Variants in UACA observed in about 807,000 individuals in gnomAD.
UACA encodes nuclear membrane binding protein.
UACA carries 112 observed loss-of-function variants against 160.5 expected under a neutral mutation model. The ratio of observed to expected loss-of-function variants is 0.70; its 90% CI spans 0.60 to 0.82. The LOEUF (loss-of-function observed/expected upper bound fraction) is 0.82. Ranked by LOEUF, UACA falls within the 40% of genes least tolerant of loss-of-function variation. UACA has a pLI of 0.00. For missense variants in UACA, 1,574 were observed against 1,614.6 expected, an observed-to-expected ratio of 0.97 and a Z score of 0.43; for synonymous variants, 557 against 568.4, an observed-to-expected ratio of 0.98 and a Z score of 0.29.
At chr15:70,660,395 T>C (rs532442861) in intron 17 of UACA, 179 bp from the exon 18 acceptor site, 1 of 532,294 alleles carries the variant, frequency 1.9e-6, no homozygotes, top group Non-Finnish European at 3.3e-6. Flanking sequence ...CAATATAAAC[T>C]TCTGTAAAGA....
At chr15:70,738,104 T>G (rs1899423767) in intron 1 of UACA, among the ~76,000 whole-genome samples, 1 of 152,212 alleles carries the variant, frequency 6.6e-6, no homozygotes. Flanking sequence ...ATTTTATTAT[T>G]TCTTAAGTAA....
At chr15:70,751,281 T>C (rs141655296) in intron 1 of UACA, among the ~76,000 whole-genome samples, 24 of 152,246 alleles carry the variant, frequency 1.6e-4, no homozygotes, top group African/African-American at 5.5e-4. Flanking sequence ...TTTTTCATAA[T>C]TGAAAAATAG....
chr15:70,745,291 C>T (rs1313724817), intron 1 of UACA, among the ~76,000 whole-genome samples: 5 of 151,800 alleles, frequency 3.3e-5, no homozygotes, highest in African/African-American at 9.7e-5. Flanking sequence ...AAAAATTAGC[C>T]GGGCGTGGTG....
At chr15:70,772,946 G>A in the UACA span, among the ~76,000 whole-genome samples, 1 of 151,904 alleles carries the variant, frequency 6.6e-6, no homozygotes, top group African/African-American at 2.4e-5. Flanking sequence ...AAAATTAGCT[G>A]AGTGTGGTTG....
At chr15:70,727,044 T>G (rs1374376895) in intron 1 of UACA, among the ~76,000 whole-genome samples, 2 of 152,210 alleles carry the variant, frequency 1.3e-5, no homozygotes, top group African/African-American at 4.8e-5. Context: ...TGCCTTCATC[T>G]TAAACTCTAA....
In UACA at chr15:70,656,998, C is replaced by A. The variant is rs1896492145; in HGVS notation, c.*58G>T. On this transcript the variant is annotated 3_prime_UTR_variant, in exon 19 of 19. Coordinates refer to ENST00000322954, the MANE Select transcript of UACA (RefSeq NM_018003.4). ...AAGGCCCAGAAAGACCATGGAGTTG[C>A]ACAAAGAATGTTCAGCACCAGCAAG... 1.2e-5 allele frequency: 17 copies of A among 1,421,416 alleles called. No homozygotes were observed. Among genetic ancestry groups the A allele is most frequent in the Non-Finnish European group, 6.0e-6 (6 of 1,006,120 alleles). 88.1% of individuals were successfully genotyped at this position (1,421,416 alleles called of 1,614,324 possible).
the UACA span, among the ~76,000 whole-genome samples, chr15:70,778,089 T>C: frequency 1.3e-5 from 2 of 152,026 alleles, no homozygotes; most frequent in South Asian, 4.1e-4. Flanking sequence ...TAGTCCCAGC[T>C]ACCCAGGAGG....
chr15:70,735,172 A>AAAAAAAAAAAAAAAAAAAAAAAAAAAAT, intron 1 of UACA, among the ~76,000 whole-genome samples: 1 of 125,450 alleles, frequency 8.0e-6, no homozygotes, highest in Non-Finnish European at 1.7e-5. Context: ...AAAAAAAAAA[A>AAAAAAAAAAAAAAAAAAAAAAAAAAAAT]GATGGGAACA....
intron 1 of UACA, among the ~76,000 whole-genome samples, chr15:70,710,497 T>A (rs531480641): frequency 6.6e-6 from 1 of 152,276 alleles, no homozygotes; most frequent in South Asian, 2.1e-4. Flanking sequence ...ACTAGCTACC[T>A]GGAGATAGTG....
intron 1 of UACA, among the ~76,000 whole-genome samples, chr15:70,751,777 T>C (rs756778534): frequency 1.6e-4 from 24 of 152,192 alleles, no homozygotes; most frequent in African/African-American, 1.9e-4. Context: ...TGGCCCACAA[T>C]TGTCTTTTCT....
intron 1 of UACA, among the ~76,000 whole-genome samples, chr15:70,700,616 G>A (rs376487232): frequency 1.9e-4 from 29 of 151,918 alleles, no homozygotes; most frequent in Non-Finnish European, 2.9e-4. Flanking sequence ...CATTTTAATC[G>A]TATCAAGGTT....
At chr15:70,725,238 GT>G (rs1228498941) in intron 1 of UACA, among the ~76,000 whole-genome samples, 13 of 152,248 alleles carry the variant, frequency 8.5e-5, no homozygotes, top group Admixed American at 7.2e-4. Context: ...CCCCTGTTAG[GT>G]TAAAGGAAAA....
chr15:70,769,325 T>G, the UACA span, among the ~76,000 whole-genome samples: 2 of 114,228 alleles, frequency 1.8e-5, no homozygotes, highest in Non-Finnish European at 1.6e-5. Context: ...GGCGACAGAG[T>G]GAGACTCCGA....
intron 4 of UACA, among the ~76,000 whole-genome samples, chr15:70,690,753 A>T (rs778280951): frequency 2.0e-5 from 3 of 152,218 alleles, no homozygotes; most frequent in Non-Finnish European, 4.4e-5. Flanking sequence ...GGCATGAAAT[A>T]CAGGAAAATA....
intron 1 of UACA, among the ~76,000 whole-genome samples, chr15:70,712,658 C>G (rs1898718230): frequency 6.6e-6 from 1 of 152,150 alleles, no homozygotes; most frequent in African/African-American, 2.4e-5. Flanking sequence ...CCCTGTTTCT[C>G]ATTTTATACA....
At chr15:70,744,768 A>T (rs1246594372) in intron 1 of UACA, among the ~76,000 whole-genome samples, 1 of 152,226 alleles carries the variant, frequency 6.6e-6, no homozygotes, top group African/African-American at 2.4e-5. Context: ...GCAAATATAC[A>T]AGTAGATACA....
At chr15:70,722,298 G>A (rs1899016450) in intron 1 of UACA, among the ~76,000 whole-genome samples, 1 of 150,566 alleles carries the variant, frequency 6.6e-6, no homozygotes, top group South Asian at 2.1e-4. Flanking sequence ...AAGAAAGAGG[G>A]AAAAGACAAT....
intron 3 of UACA, among the ~76,000 whole-genome samples, chr15:70,692,587 T>C (rs926780107): frequency 1.3e-5 from 2 of 152,184 alleles, no homozygotes; most frequent in East Asian, 1.9e-4. Flanking sequence ...GTGGGCAACA[T>C]AGTGAAATCC....
chr15:70,710,399 G>A (rs1346261100), intron 1 of UACA, among the ~76,000 whole-genome samples: 1 of 152,136 alleles, frequency 6.6e-6, no homozygotes, highest in Non-Finnish European at 1.5e-5. Context: ...ATACTTCCGT[G>A]ACCAAATGCA....
Sources: gnomAD v4.1 joint callset for allele counts (sites outside exome capture counted in the v4.1 genomes callset) on GRCh38, gnomAD v4.1.1 for gene constraint, MANE v1.5 for transcripts, NCBI Gene and HGNC (gene_info 2026-07-23, HGNC 2026-07-21) for gene names.